DOCK1: variants seen among roughly 807,000 people sequenced by gnomAD.
The protein encoded by DOCK1 is dedicator of cytokinesis protein 1.
In DOCK1, 138 loss-of-function variants were observed where a neutral mutation model predicts 262.7. That is an observed-to-expected ratio of 0.53 (90% CI 0.46 to 0.61). DOCK1 has a LOEUF of 0.61. Among genes scored for constraint, DOCK1 ranks in the 20% least tolerant of loss-of-function variants. The pLI, the probability that DOCK1 is intolerant of heterozygous loss-of-function variation, is 0.00. For missense variants in DOCK1, 1,908 were observed against 2,370.7 expected (o/e 0.80, Z 4.05); for synonymous variants, 866 against 867.4 (o/e 1.00, Z 0.03).
chr10:127,290,530 T>C (rs1428525422), intron 29 of DOCK1, among the ~76,000 whole-genome samples: 1 of 152,218 alleles, frequency 6.6e-6, no homozygotes, highest in Admixed American at 6.5e-5. Context: ...ATAACTGTAA[T>C]ATATCACAAC....
chr10:126,934,427 G>A (rs1017701481), intron 1 of DOCK1, among the ~76,000 whole-genome samples: 3 of 152,214 alleles, frequency 2.0e-5, no homozygotes, highest in South Asian at 2.1e-4. Flanking sequence ...TCCCACCTTC[G>A]GAGAGAAGCC....
intron 28 of DOCK1, among the ~76,000 whole-genome samples, chr10:127,251,720 T>C (rs1022596750): frequency 4.0e-5 from 6 of 150,748 alleles, no homozygotes; most frequent in African/African-American, 1.5e-4. Flanking sequence ...CTCATCCTTT[T>C]TTATGGCTGC....
At chr10:127,433,569 C>G in intron 48 of DOCK1, 141 bp downstream of exon 48, 2 of 1,206,344 alleles carry the variant, frequency 1.7e-6, no homozygotes, top group Non-Finnish European at 2.2e-6. Context: ...TGAGACCCTC[C>G]GAGACTTTCT....
chr10:127,394,191 C>G (rs2066673997), intron 38 of DOCK1, among the ~76,000 whole-genome samples: 1 of 152,110 alleles, frequency 6.6e-6, no homozygotes. Flanking sequence ...CCAGCCACCT[C>G]TGAAATCAAG....
At chr10:126,931,758 A>C (rs1179216156) in intron 1 of DOCK1, among the ~76,000 whole-genome samples, 1 of 152,040 alleles carries the variant, frequency 6.6e-6, no homozygotes, top group Non-Finnish European at 1.5e-5. Context: ...ACTTCCAGGA[A>C]CCAATGTGTC....
intron 18 of DOCK1, among the ~76,000 whole-genome samples, chr10:127,035,340 G>T (rs1352713079): frequency 2.0e-5 from 3 of 152,212 alleles, no homozygotes; most frequent in Admixed American, 2.0e-4. Flanking sequence ...AGAAGTACAA[G>T]ATGTGATTCC....
At chr10:127,186,995 C>G (rs1355742244) in intron 27 of DOCK1, among the ~76,000 whole-genome samples, 1 of 152,160 alleles carries the variant, frequency 6.6e-6, no homozygotes, top group African/African-American at 2.4e-5. Context: ...TGACTCCCAG[C>G]GTTTTGGTTG....
At chr10:127,029,867 T>C (rs1337090810) in intron 16 of DOCK1, among the ~76,000 whole-genome samples, 1 of 152,204 alleles carries the variant, frequency 6.6e-6, no homozygotes, top group Admixed American at 6.5e-5. Flanking sequence ...ATGTCTTTTT[T>C]GTTGCCGTTG....
At chr10:127,234,031 A>G (rs2058953400) in intron 27 of DOCK1, among the ~76,000 whole-genome samples, 1 of 152,206 alleles carries the variant, frequency 6.6e-6, no homozygotes, top group African/African-American at 2.4e-5. Flanking sequence ...GAGGTTAGGA[A>G]TACTTCCTTG....
intron 1 of DOCK1, among the ~76,000 whole-genome samples, chr10:126,931,128 ATC>A (rs1306205273): frequency 7.2e-4 from 109 of 152,172 alleles, no homozygotes; most frequent in African/African-American, 2.5e-3. Flanking sequence ...GGGATGGAGT[ATC>A]TCGGAAATAA....
intron 1 of DOCK1, among the ~76,000 whole-genome samples, chr10:126,914,225 G>T (rs2032205856): frequency 6.6e-6 from 1 of 152,054 alleles, no homozygotes; most frequent in South Asian, 2.1e-4. Flanking sequence ...ATTGCTGGGG[G>T]GTCCTGAAGG....
intron 27 of DOCK1, among the ~76,000 whole-genome samples, chr10:127,204,153 G>A (rs1370272710): frequency 1.3e-5 from 2 of 152,142 alleles, no homozygotes; most frequent in East Asian, 3.9e-4. Context: ...GAGGGGAAAG[G>A]GAAGATCTTA....
chr10:127,395,699 G>T (rs6482868), intron 38 of DOCK1, among the ~76,000 whole-genome samples: 62,895 of 152,006 alleles, frequency 0.41, 13,723 homozygotes, highest in Middle Eastern at 0.54. Flanking sequence ...GAGACGAGAC[G>T]AGGGGTGGGG....
intron 22 of DOCK1, among the ~76,000 whole-genome samples, chr10:127,056,846 CTG>C (rs1288301970): frequency 1.3e-5 from 2 of 152,152 alleles, no homozygotes; most frequent in African/African-American, 4.8e-5. Context: ...CAATTTAAAT[CTG>C]TGTTCTAAAA....
At chr10:127,405,695 G>T (rs764172156) in intron 40 of DOCK1, among the ~76,000 whole-genome samples, 2 of 152,170 alleles carry the variant, frequency 1.3e-5, no homozygotes, top group Non-Finnish European at 2.9e-5. Context: ...CTTAGGAAGG[G>T]CATGTCACTG....
chr10:127,093,219 T>TTTCTTTGTTTCTTTCTTTCTTTCC (rs149382008), intron 23 of DOCK1, among the ~76,000 whole-genome samples: 1 of 62,904 alleles, frequency 1.6e-5, no homozygotes, highest in Non-Finnish European at 3.3e-5. Flanking sequence ...TCTTTCTTTC[T>TTTCTTTGTTTCTTTCTTTCTTTCC]TTTCTTTCTT....
At chr10:127,435,895 G>T (rs572994973) in intron 48 of DOCK1, among the ~76,000 whole-genome samples, 14 of 152,276 alleles carry the variant, frequency 9.2e-5, no homozygotes, top group African/African-American at 3.1e-4. Context: ...GTTGCTTCTC[G>T]TAATATGAAA....
chr10:127,215,312 G>A (rs2058157095), intron 27 of DOCK1, among the ~76,000 whole-genome samples: 2 of 152,042 alleles, frequency 1.3e-5, no homozygotes, highest in South Asian at 2.1e-4. Context: ...ACTGGCCTCG[G>A]GTTTCCTGCA....
intron 27 of DOCK1, among the ~76,000 whole-genome samples, chr10:127,239,322 G>A (rs1419063326): frequency 6.6e-6 from 1 of 151,920 alleles, no homozygotes. Context: ...GATTATCTAT[G>A]TTTTTATTTA....
Sources: allele counts gnomAD v4.1 joint callset (sites outside exome capture counted in the v4.1 genomes callset), GRCh38; gene constraint gnomAD v4.1.1; transcripts MANE v1.5; gene names NCBI Gene and HGNC (gene_info 2026-07-23, HGNC 2026-07-21).